The following MALRD1 variants were observed in gnomAD, a reference collection of about 807,000 sequenced individuals.
MALRD1 encodes MAM and LDL receptor class A domain containing 1.
In MALRD1, 247 loss-of-function variants were observed where a neutral mutation model predicts 242.1. The ratio of observed to expected loss-of-function variants is 1.02; its 90% CI spans 0.92 to 1.13. The LOEUF (loss-of-function observed/expected upper bound fraction) is 1.13. MALRD1 is among the 50% of genes most tolerant of loss of function. The probability of loss-of-function intolerance (pLI) is 0.00; values close to 1 mark genes in which losing one functional copy is unlikely to be tolerated. For synonymous variants in MALRD1, 995 were observed against 866.6 expected (o/e 1.15, Z -2.60); for missense variants, 2,989 against 2,533.1 (o/e 1.18, Z -3.86).
chr10:19,242,631 A>T (rs1388856224), intron 18 of MALRD1, among the ~76,000 whole-genome samples: 2 of 152,086 alleles, frequency 1.3e-5, no homozygotes, highest in African/African-American at 4.8e-5. Context: ...CACCTAAGTA[A>T]TATATATGTT....
At chr10:19,606,268 G>T (rs1315757547) in intron 34 of MALRD1, among the ~76,000 whole-genome samples, 2 of 152,110 alleles carry the variant, frequency 1.3e-5, no homozygotes, top group African/African-American at 4.8e-5. Flanking sequence ...CTTTGAAAAG[G>T]TTGTAACTTC....
intron 21 of MALRD1, among the ~76,000 whole-genome samples, chr10:19,297,621 T>A (rs1313004097): frequency 6.6e-6 from 1 of 151,998 alleles, no homozygotes; most frequent in Non-Finnish European, 1.5e-5. Flanking sequence ...GTATGCCCTA[T>A]GAAATATTAC....
Position 19,141,107 on chromosome 10 carries a change from A to G in MALRD1, c.1411+4326A>G, listed in dbSNP as rs577788053. ...TAAAGCTTAAAAAATTAATACATAT[A>G]TATGCAATATGTTTTAAAAATCTCT... On this transcript the variant is annotated intron_variant, in intron 10 of 39. Transcript: ENST00000454679. Among the ~76,000 whole-genome samples, 15 of 152,328 alleles carry G rather than the reference A, an allele frequency of 9.8e-5. No homozygotes were observed. The South Asian group carries it at 3.1e-3, about 32-fold the overall frequency.
intron 33 of MALRD1, among the ~76,000 whole-genome samples, chr10:19,578,792 C>G (rs967946051): frequency 6.6e-6 from 1 of 151,838 alleles, no homozygotes; most frequent in Non-Finnish European, 1.5e-5. Flanking sequence ...GCCCTTCCTT[C>G]CTCTTCTGAT....
At chr10:19,238,529 A>ATATAATATAATATATAATG (rs1564492897) in intron 18 of MALRD1, among the ~76,000 whole-genome samples, 1 of 85,636 alleles carries the variant, frequency 1.2e-5, no homozygotes, top group East Asian at 3.2e-4. Flanking sequence ...TATATATAAT[A>ATATAATATAATATATAATG]TACATTATAT....
intron 24 of MALRD1, among the ~76,000 whole-genome samples, chr10:19,346,606 T>C (rs1199635030): frequency 6.6e-6 from 1 of 152,192 alleles, no homozygotes; most frequent in East Asian, 1.9e-4. Flanking sequence ...GTTAAAGAAT[T>C]CTAAACAGTA....
intron 26 of MALRD1, 47 bp downstream of exon 26, chr10:19,352,344 G>A: frequency 6.7e-7 from 1 of 1,493,862 alleles, no homozygotes; most frequent in Non-Finnish European, 9.0e-7. Context: ...CATGGTGAAA[G>A]GTGAAAAGGA....
chr10:19,079,789 G>A (rs1039412971), intron 2 of MALRD1, among the ~76,000 whole-genome samples: 2 of 151,846 alleles, frequency 1.3e-5, no homozygotes, highest in African/African-American at 4.8e-5. Context: ...GCAAGAGAAA[G>A]AAAGAAAGCA....
At chr10:19,199,932 C>T (rs573504189) in intron 14 of MALRD1, among the ~76,000 whole-genome samples, 10 of 152,204 alleles carry the variant, frequency 6.6e-5, no homozygotes, top group African/African-American at 2.4e-4. Context: ...CTCAGACCAG[C>T]GTGGGCAACA....
At chr10:19,416,534 G>T (rs1486369969) in intron 28 of MALRD1, among the ~76,000 whole-genome samples, 1 of 151,380 alleles carries the variant, frequency 6.6e-6, no homozygotes, top group Non-Finnish European at 1.5e-5. Flanking sequence ...CTCATTGCCA[G>T]GTGGAAAAAA....
At chr10:19,253,557 CA>C (rs1839385440) in intron 18 of MALRD1, among the ~76,000 whole-genome samples, 1 of 151,920 alleles carries the variant, frequency 6.6e-6, no homozygotes, top group African/African-American at 2.4e-5. Context: ...GCACTGGAAA[CA>C]AAGTGTTGGC....
chr10:19,576,726 G>A (rs1327693316), intron 33 of MALRD1, among the ~76,000 whole-genome samples: 2 of 152,124 alleles, frequency 1.3e-5, no homozygotes, highest in Middle Eastern at 3.2e-3. Flanking sequence ...TTCTCTGGCT[G>A]AGAAAGCACA....
chr10:19,623,641 C>T (rs1047871073), intron 36 of MALRD1, among the ~76,000 whole-genome samples: 2 of 152,088 alleles, frequency 1.3e-5, no homozygotes, highest in African/African-American at 4.8e-5. Flanking sequence ...ATCCAAACTC[C>T]CAAGACTGAC....
chr10:19,356,960 T>A (rs1169991688), intron 26 of MALRD1, among the ~76,000 whole-genome samples: 1 of 151,866 alleles, frequency 6.6e-6, no homozygotes, highest in Non-Finnish European at 1.5e-5. Context: ...AATACAAAAA[T>A]TAGCCAGGCA....
rs11814144 is a variant in MALRD1 at position 19,082,162 on chromosome 10, T to C, written c.341-5678T>C. On this transcript the variant is annotated intron_variant, in intron 2 of 39. Transcript: ENST00000454679. ...AGTGTATTATATTAATATCCTTTTC[T>C]TTTTTTACTATATATTTTTGAATTA... Among the ~76,000 whole-genome samples the C allele has an allele frequency of 4.1e-3, 611 of 150,656 alleles. 6 individuals carry two copies. The highest frequency in any genetic ancestry group is 0.014 in the African/African-American group (578 of 40,388).
chr10:19,624,758 C>G (rs771762207), intron 36 of MALRD1, among the ~76,000 whole-genome samples: 8 of 151,654 alleles, frequency 5.3e-5, no homozygotes, highest in Admixed American at 4.6e-4. Flanking sequence ...TTTAGCTGCC[C>G]TGGAGGCTAA....
intron 32 of MALRD1, among the ~76,000 whole-genome samples, chr10:19,566,125 A>G (rs1437785472): frequency 6.6e-6 from 1 of 151,458 alleles, no homozygotes; most frequent in Admixed American, 6.6e-5. Flanking sequence ...AATTTTGGAT[A>G]TATATTTTTT....
intron 38 of MALRD1, among the ~76,000 whole-genome samples, chr10:19,695,007 G>A (rs975148126): frequency 1.3e-5 from 2 of 152,116 alleles, no homozygotes; most frequent in East Asian, 1.9e-4. Flanking sequence ...TCACTCACAG[G>A]TGGGAACTGA....
intron 28 of MALRD1, among the ~76,000 whole-genome samples, chr10:19,398,044 T>A (rs1240727572): frequency 6.6e-6 from 1 of 152,174 alleles, no homozygotes; most frequent in Non-Finnish European, 1.5e-5. Flanking sequence ...TTGAGTTCCT[T>A]ATATATTCTG....
Sources: gnomAD v4.1 joint callset for allele counts (sites outside exome capture counted in the v4.1 genomes callset) on GRCh38, gnomAD v4.1.1 for gene constraint, MANE v1.5 for transcripts, NCBI Gene and HGNC (gene_info 2026-07-23, HGNC 2026-07-21) for gene names.